Variants in CAMTA1 observed in about 807,000 individuals in gnomAD.
CAMTA1 encodes the protein calmodulin binding transcription activator 1.
CAMTA1 carries 27 observed loss-of-function variants against 170.9 expected under a neutral mutation model. That is an observed-to-expected ratio of 0.16 (90% CI 0.12 to 0.22). CAMTA1 has a LOEUF of 0.22. Ranked by LOEUF, CAMTA1 falls within the 10% of genes least tolerant of loss-of-function variation. The pLI, the probability that CAMTA1 is intolerant of heterozygous loss-of-function variation, is 1.00. For missense variants in CAMTA1, 1,619 were observed against 2,217.2 expected, an observed-to-expected ratio of 0.73 and a Z score of 5.42; for synonymous variants, 833 against 891.5, an observed-to-expected ratio of 0.93 and a Z score of 1.17.
In CAMTA1 at chr1:6,935,502, A is replaced by G. The variant is rs991255076; in HGVS notation, c.234+110292A>G. Among the ~76,000 whole-genome samples the G allele has an allele frequency of 1.4e-4, 21 of 152,164 alleles. No individual in the cohort carries two copies. In the South Asian group the frequency reaches 1.5e-3, roughly 11 times the overall value. On this transcript the variant is annotated intron_variant, in intron 3 of 22. Transcript: ENST00000303635. ...TGGCACACACTTTATTTTAAAGTCA[A>G]TGTGCTTATCTGGAGAGAAGGCTGC...
intron 3 of CAMTA1, among the ~76,000 whole-genome samples, chr1:7,001,244 T>C (rs1211798422): frequency 1.3e-5 from 2 of 152,170 alleles, no homozygotes; most frequent in Non-Finnish European, 2.9e-5. Flanking sequence ...TCCAGGAGGA[T>C]AGGAGTTTGT....
chr1:7,141,733 A>T (rs17030366), intron 4 of CAMTA1, among the ~76,000 whole-genome samples: 1 of 152,134 alleles, frequency 6.6e-6, no homozygotes, highest in Non-Finnish European at 1.5e-5. Context: ...ATATTTTATT[A>T]CTCTAATTAT....
At chr1:6,972,759 T>C (rs571164546) in intron 3 of CAMTA1, among the ~76,000 whole-genome samples, 1 of 152,306 alleles carries the variant, frequency 6.6e-6, no homozygotes, top group African/African-American at 2.4e-5. Context: ...CTGAACCTAA[T>C]TGTTTCTTTT....
intron 6 of CAMTA1, among the ~76,000 whole-genome samples, chr1:7,560,888 C>T (rs2094947618): frequency 6.6e-6 from 1 of 152,064 alleles, no homozygotes; most frequent in Non-Finnish European, 1.5e-5. Flanking sequence ...CTGGAGGTGA[C>T]AGGAAGGAAC....
intron 4 of CAMTA1, among the ~76,000 whole-genome samples, chr1:7,183,884 C>A (rs1016459240): frequency 1.2e-4 from 19 of 152,152 alleles, no homozygotes; most frequent in Admixed American, 1.0e-3. Context: ...TGTACCTAAA[C>A]AGAGCTGTTA....
rs1661350839 is a variant in CAMTA1, at chr1:7,224,508, A to G, written c.303-24983A>G. On this transcript the variant is annotated intron_variant, in intron 4 of 22. Transcript: ENST00000303635. The surrounding 1 kb of genome is among the most constrained non-coding windows in gnomAD (Gnocchi z 5.2). ...TTTCTGAAACTATTTTCCACTTGCT[A>G]AAATTAAGGTTATTATTATTATTTT... Among the ~76,000 whole-genome samples, 1 of 152,198 alleles carries G rather than the reference A, an allele frequency of 6.6e-6. No individual in the cohort carries two copies. The highest frequency in any genetic ancestry group is 2.4e-5 in the African/African-American group (1 of 41,460).
intron 6 of CAMTA1, among the ~76,000 whole-genome samples, chr1:7,613,121 A>C (rs1418425307): frequency 6.6e-6 from 1 of 152,232 alleles, no homozygotes; most frequent in Non-Finnish European, 1.5e-5. Context: ...CAAGGATTGC[A>C]GGGACCAGGA....
At chr1:7,586,707 T>C (rs2095313074) in intron 6 of CAMTA1, among the ~76,000 whole-genome samples, 1 of 152,090 alleles carries the variant, frequency 6.6e-6, no homozygotes, top group Non-Finnish European at 1.5e-5. Context: ...CTGGTCCCAC[T>C]GGGTCCTCAC....
intron 5 of CAMTA1, among the ~76,000 whole-genome samples, chr1:7,350,264 T>A (rs2084556650): frequency 6.6e-6 from 1 of 152,106 alleles, no homozygotes; most frequent in Non-Finnish European, 1.5e-5. Flanking sequence ...TCTCTCTGTG[T>A]CCTAGAGCCC....
chr1:6,943,651 G>T (rs764897526), intron 3 of CAMTA1, among the ~76,000 whole-genome samples: 4 of 151,954 alleles, frequency 2.6e-5, no homozygotes, highest in Non-Finnish European at 5.9e-5. Flanking sequence ...TTCGAGACCA[G>T]CCTGACCAAC....
At chr1:7,410,665 C>T (rs1315445248) in intron 5 of CAMTA1, among the ~76,000 whole-genome samples, 2 of 152,222 alleles carry the variant, frequency 1.3e-5, no homozygotes, top group East Asian at 1.9e-4. Flanking sequence ...TTGAAGAACT[C>T]GTGACCTGAG....
intron 6 of CAMTA1, among the ~76,000 whole-genome samples, chr1:7,566,569 C>A (rs530470213): frequency 4.6e-5 from 7 of 152,238 alleles, no homozygotes; most frequent in African/African-American, 1.7e-4. Context: ...AGGCAGGCAG[C>A]CCCAGCTCCA....
chr1:6,888,904 GT>G lies in CAMTA1; in HGVS notation c.234+63697del, dbSNP rs925333882. On this transcript the variant is annotated intron_variant, in intron 3 of 22. Coordinates refer to ENST00000303635, the MANE Select transcript of CAMTA1 (RefSeq NM_015215.4). ...GATGTAGGCTGTTACCTCAAGGTGA[GT>G]TTATTTGTAGCACTAACTTGTAACG... Among the ~76,000 whole-genome samples, 72 of 152,024 alleles carry G rather than the reference GT, an allele frequency of 4.7e-4. 1 individual carries two copies. The highest frequency in any genetic ancestry group is 1.7e-3 in the African/African-American group (71 of 41,466).
intron 4 of CAMTA1, among the ~76,000 whole-genome samples, chr1:7,150,775 C>T (rs561270611): frequency 1.4e-4 from 21 of 152,260 alleles, no homozygotes; most frequent in African/African-American, 1.2e-4. Flanking sequence ...CCGTGCCTTC[C>T]GGATGCTTCG....
chr1:7,623,442 C>T (rs1343537691), intron 6 of CAMTA1, among the ~76,000 whole-genome samples: 6 of 152,310 alleles, frequency 3.9e-5, no homozygotes, highest in African/African-American at 1.4e-4. Flanking sequence ...TTCAGGTTAA[C>T]TGAAGGGAAA....
chr1:7,398,760 A>T (rs940977628), intron 5 of CAMTA1, among the ~76,000 whole-genome samples: 1 of 151,930 alleles, frequency 6.6e-6, no homozygotes, highest in Non-Finnish European at 1.5e-5. Context: ...GTGATTTTCT[A>T]TAATAGTAAG....
intron 3 of CAMTA1, among the ~76,000 whole-genome samples, chr1:6,838,308 C>T (rs1381193069): frequency 6.6e-6 from 1 of 152,142 alleles, no homozygotes; most frequent in African/African-American, 2.4e-5. Flanking sequence ...AAATGGATTC[C>T]CACAACCACG....
intron 1 of CAMTA1, among the ~76,000 whole-genome samples, chr1:6,791,700 G>C (rs1641149654): frequency 6.6e-6 from 1 of 152,206 alleles, no homozygotes; most frequent in South Asian, 2.1e-4. Context: ...TACTTTGTCT[G>C]TGTAACTTGA....
intron 6 of CAMTA1, among the ~76,000 whole-genome samples, chr1:7,537,633 GGAT>G (rs2094564923): frequency 6.6e-6 from 1 of 152,230 alleles, no homozygotes; most frequent in African/African-American, 2.4e-5. Flanking sequence ...AGCTGGGGCA[GGAT>G]CTTCCCTAGA....
Sources: allele counts gnomAD v4.1 joint callset (sites outside exome capture counted in the v4.1 genomes callset), GRCh38; gene constraint gnomAD v4.1.1; non-coding constraint Gnocchi (gnomAD v3.1); transcripts MANE v1.5; gene names NCBI Gene and HGNC (gene_info 2026-07-23, HGNC 2026-07-21).